The following UBE2R2 variants were observed in gnomAD, a reference collection of about 807,000 sequenced individuals.
UBE2R2 encodes the protein ubiquitin conjugating enzyme E2 R2, also known as ubiquitin-conjugating enzyme E2 R2.
UBE2R2 carries 1 observed loss-of-function variant against 27.8 expected under a neutral mutation model. That is an observed-to-expected ratio of 0.04 (90% confidence interval 0.01 to 0.17). The LOEUF (loss-of-function observed/expected upper bound fraction) is 0.17, where lower values mean the gene tolerates loss of function less well. Ranked by LOEUF, UBE2R2 falls within the 10% of genes least tolerant of loss-of-function variation. The pLI is 1.00. For missense variants in UBE2R2, 100 were observed against 291.0 expected (o/e 0.34, Z 4.78); for synonymous variants, 106 against 113.3 (o/e 0.94, Z 0.41).
At chr9:33,896,584 C>G (rs748715223) in intron 2 of UBE2R2, among the ~76,000 whole-genome samples, 1 of 150,800 alleles carries the variant, frequency 6.6e-6, no homozygotes, top group Admixed American at 6.6e-5. Flanking sequence ...CTGGGACTAC[C>G]GGCGCTGTGT....
chr9:33,916,904 G>A, intron 4 of UBE2R2, 114 bp from the exon 5 acceptor site: 1 of 1,450,190 alleles, frequency 6.9e-7, no homozygotes, highest in Non-Finnish European at 9.2e-7. Flanking sequence ...TTTCAGGCAG[G>A]TACTGAAGTT....
At chr9:33,869,492 G>A (rs910076163) in intron 1 of UBE2R2, among the ~76,000 whole-genome samples, 1 of 151,312 alleles carries the variant, frequency 6.6e-6, no homozygotes, top group Admixed American at 6.6e-5. Context: ...TGTTGCCCAG[G>A]CTGGAGTGTA....
intron 1 of UBE2R2, among the ~76,000 whole-genome samples, chr9:33,834,310 C>T (rs1365309723): frequency 6.6e-6 from 1 of 151,468 alleles, no homozygotes; most frequent in Non-Finnish European, 1.5e-5. Context: ...AAGTGACTCT[C>T]CTGCCTCAGC....
intron 2 of UBE2R2, among the ~76,000 whole-genome samples, chr9:33,894,838 A>AG (rs1391831380): frequency 1.3e-5 from 2 of 152,166 alleles, no homozygotes; most frequent in Non-Finnish European, 2.9e-5. Context: ...TAGAGGCTGC[A>AG]GTGAGCTGAG....
intron 1 of UBE2R2, among the ~76,000 whole-genome samples, chr9:33,839,196 C>T (rs1185035990): frequency 4.6e-5 from 7 of 152,004 alleles, no homozygotes; most frequent in Non-Finnish European, 7.4e-5. Context: ...GAGGTGATTA[C>T]GTCGTGAGGG....
intron 1 of UBE2R2, among the ~76,000 whole-genome samples, chr9:33,821,486 A>G (rs1825980593): frequency 6.6e-6 from 1 of 152,036 alleles, no homozygotes; most frequent in Admixed American, 6.6e-5. Context: ...AACTCCTGCT[A>G]AGGATTGTAG....
At chr9:33,844,769 CT>C (rs74180509) in intron 1 of UBE2R2, among the ~76,000 whole-genome samples, 9,199 of 150,788 alleles carry the variant, frequency 0.061, 636 homozygotes, top group African/African-American at 0.17. Context: ...AATCATTTGC[CT>C]TTTTTTTTCT....
At chr9:33,849,428 A>G (rs1820916778) in intron 1 of UBE2R2, among the ~76,000 whole-genome samples, 2 of 152,176 alleles carry the variant, frequency 1.3e-5, no homozygotes, top group Admixed American at 6.5e-5. Flanking sequence ...GGTATATATA[A>G]AGAGATATGT....
chr9:33,911,448 G>C (rs1335267337), intron 3 of UBE2R2, among the ~76,000 whole-genome samples: 4 of 105,540 alleles, frequency 3.8e-5, no homozygotes, highest in African/African-American at 1.4e-4. Context: ...TGGTTATATA[G>C]AATAGCATCA....
intron 1 of UBE2R2, among the ~76,000 whole-genome samples, chr9:33,883,386 A>C (rs1563999332): frequency 6.6e-6 from 1 of 152,138 alleles, no homozygotes; most frequent in South Asian, 2.1e-4. Context: ...TGAATCAGCT[A>C]TAAATTGGGA....
chr9:33,820,819 A>G (rs1825969409), intron 1 of UBE2R2, among the ~76,000 whole-genome samples: 1 of 152,114 alleles, frequency 6.6e-6, no homozygotes, highest in African/African-American at 2.4e-5. Context: ...GATCTTTTTC[A>G]CCCTGAAATA....
At chr9:33,909,023 T>TAAATAAAG (rs1257907137) in intron 3 of UBE2R2, among the ~76,000 whole-genome samples, 14 of 151,952 alleles carry the variant, frequency 9.2e-5, no homozygotes, top group African/African-American at 3.1e-4. Flanking sequence ...AATAAATAAA[T>TAAATAAAG]AAATATTAAA....
At chr9:33,883,395 G>A (rs1214061926) in intron 1 of UBE2R2, among the ~76,000 whole-genome samples, 6 of 151,990 alleles carry the variant, frequency 3.9e-5, no homozygotes, top group Admixed American at 3.3e-4. Context: ...TATAAATTGG[G>A]ATTTCCACTA....
chr9:33,865,441 C>G (rs1821340131), intron 1 of UBE2R2, among the ~76,000 whole-genome samples: 1 of 152,064 alleles, frequency 6.6e-6, no homozygotes, highest in South Asian at 2.1e-4. Flanking sequence ...CGTGATCTGC[C>G]TGCCTTGGCC....
chr9:33,818,131 G>C (rs1825860830), intron 1 of UBE2R2, among the ~76,000 whole-genome samples, 197 bp downstream of exon 1: 1 of 152,036 alleles, frequency 6.6e-6, no homozygotes, highest in African/African-American at 2.4e-5. Flanking sequence ...TGGGGGCGGG[G>C]GCTCGGGCGG....
intron 2 of UBE2R2, among the ~76,000 whole-genome samples, chr9:33,896,131 G>A (rs1269866760): frequency 6.6e-6 from 1 of 151,944 alleles, no homozygotes; most frequent in Non-Finnish European, 1.5e-5. Flanking sequence ...ATCCTATTAG[G>A]TTATTTTTGC....
chr9:33,861,578 T>C (rs374523595), intron 1 of UBE2R2, among the ~76,000 whole-genome samples: 8 of 151,610 alleles, frequency 5.3e-5, no homozygotes, highest in Admixed American at 4.6e-4. Flanking sequence ...GGCGACAGAG[T>C]GAGACCCTGT....
chr9:33,898,710 G>A (rs751873274), intron 2 of UBE2R2, among the ~76,000 whole-genome samples: 5 of 152,178 alleles, frequency 3.3e-5, no homozygotes, highest in Non-Finnish European at 5.9e-5. Context: ...CACCATGGTT[G>A]TCTTATGCAT....
In UBE2R2 at chr9:33,920,222, A is replaced by C. The variant is rs539608406; in HGVS notation, c.*2985A>C. On this transcript the variant is annotated 3_prime_UTR_variant, in exon 5 of 5. Transcript: ENST00000263228. ...AACTATTCTGAAACCAGCAGGACAC[A>C]CCTGACTTTAATAGTTTTAGCTGAA... is the stretch of plus-strand genomic sequence containing the variant. The C allele has an allele frequency of 1.4e-4, 21 of 152,712 alleles. No individual in the cohort carries two copies. Among genetic ancestry groups the C allele is most frequent in the African/African-American group, 4.8e-4 (20 of 41,546 alleles). The allele number at this position is 152,712 out of a possible 1,614,324, so 9.5% of individuals were successfully genotyped here.
Sources: gnomAD v4.1 joint callset for allele counts (sites outside exome capture counted in the v4.1 genomes callset) on GRCh38, gnomAD v4.1.1 for gene constraint, MANE v1.5 for transcripts, NCBI Gene and HGNC (gene_info 2026-07-23, HGNC 2026-07-21) for gene names.